The following PCDH7 variants were observed in gnomAD, a reference collection of about 807,000 sequenced individuals.
PCDH7 encodes protocadherin 7, also known as protocadherin-7.
In PCDH7, 17 loss-of-function variants were observed where a neutral mutation model predicts 58.9. That is an observed-to-expected ratio of 0.29 (90% CI 0.20 to 0.43). The LOEUF (loss-of-function observed/expected upper bound fraction) is 0.43. Ranked by LOEUF, PCDH7 falls within the 20% of genes least tolerant of loss-of-function variation. PCDH7 has a pLI of 1.00. For synonymous variants in PCDH7, 664 were observed against 616.4 expected (o/e 1.08, Z -1.14); for missense variants, 1,274 against 1,441.0 (o/e 0.88, Z 1.88).
intron 3 of PCDH7, among the ~76,000 whole-genome samples, chr4:31,069,822 G>A (rs1452423270): frequency 2.1e-5 from 2 of 95,854 alleles, no homozygotes; most frequent in African/African-American, 7.9e-5. Context: ...CTACTTCTTG[G>A]CTATTTTCTA....
chr4:30,863,099 T>G (rs1418231791), intron 1 of PCDH7, among the ~76,000 whole-genome samples: 2 of 152,152 alleles, frequency 1.3e-5, no homozygotes, highest in Non-Finnish European at 2.9e-5. Flanking sequence ...TCCAAATTCG[T>G]ATGTGTTCCG....
At chr4:31,030,032 C>A (rs554011276) in intron 3 of PCDH7, among the ~76,000 whole-genome samples, 13 of 152,218 alleles carry the variant, frequency 8.5e-5, no homozygotes, top group African/African-American at 3.1e-4. Flanking sequence ...ACTCAAAAGA[C>A]CCAATGCAGG....
chr4:31,029,908 A>G (rs577996211), intron 3 of PCDH7, among the ~76,000 whole-genome samples: 1 of 152,278 alleles, frequency 6.6e-6, no homozygotes, highest in African/African-American at 2.4e-5. Context: ...AAAGACAGAG[A>G]AAGAAAGACT....
intron 1 of PCDH7, among the ~76,000 whole-genome samples, chr4:30,773,861 A>C (rs932852612): frequency 3.2e-4 from 49 of 152,220 alleles, no homozygotes; most frequent in African/African-American, 1.1e-3. Context: ...ATTATGTCAC[A>C]CAGCTTCCCC....
intron 3 of PCDH7, among the ~76,000 whole-genome samples, chr4:31,064,839 A>G (rs903781693): frequency 6.6e-6 from 1 of 151,946 alleles, no homozygotes; most frequent in African/African-American, 2.4e-5. Context: ...TTTTGGGGAC[A>G]CAAGTCAATT....
downstream of PCDH7, chr4:31,143,118 A>G (rs1578912516): frequency 5.9e-6 from 1 of 169,672 alleles, no homozygotes; most frequent in Non-Finnish European, 1.2e-5. Context: ...TCTCCAAAAA[A>G]AAAAAAACAA....
At chr4:30,826,765 A>C (rs1408097478) in intron 1 of PCDH7, among the ~76,000 whole-genome samples, 1 of 151,900 alleles carries the variant, frequency 6.6e-6, no homozygotes, top group Non-Finnish European at 1.5e-5. Flanking sequence ...TCGTTTTGTC[A>C]CCCAGGCTGG....
intron 1 of PCDH7, among the ~76,000 whole-genome samples, chr4:30,756,974 C>T (rs1291131972): frequency 6.6e-6 from 1 of 152,212 alleles, no homozygotes; most frequent in East Asian, 1.9e-4. Context: ...GGAAGCTCTG[C>T]TCCCAGAGCT....
chr4:31,035,732 A>G (rs1755358873), intron 3 of PCDH7, among the ~76,000 whole-genome samples: 1 of 152,252 alleles, frequency 6.6e-6, no homozygotes, highest in South Asian at 2.1e-4. Context: ...AGTATCTGAC[A>G]TCAGATAATC....
At chr4:31,111,469 C>T (rs1716309958) in intron 3 of PCDH7, among the ~76,000 whole-genome samples, 1 of 152,026 alleles carries the variant, frequency 6.6e-6, no homozygotes, top group Non-Finnish European at 1.5e-5. Flanking sequence ...CAACCACACC[C>T]AGATGATTTT....
At position 30,846,461 on chromosome 4, in the gene PCDH7, A is replaced by G. The variant is rs532164836; in HGVS notation, c.71-73692A>G. Reference sequence around the variant, plus strand: ...CCAGATGCTGGCAACTTGATGTTATACTTTCCAGACTCCAGAACTGTGAGT... The same window carrying G: ...CCAGATGCTGGCAACTTGATGTTATGCTTTCCAGACTCCAGAACTGTGAGT... On this transcript the variant is annotated intron_variant, in intron 1 of 3. Transcript: ENST00000509759. Among the ~76,000 whole-genome samples, 15 of 150,706 alleles carry G rather than the reference A, an allele frequency of 1.0e-4. No individual in the cohort carries two copies. In the South Asian group the frequency reaches 2.9e-3, roughly 30 times the overall value.
At chr4:31,057,748 C>T (rs1318311423) in intron 3 of PCDH7, among the ~76,000 whole-genome samples, 1 of 152,056 alleles carries the variant, frequency 6.6e-6, no homozygotes, top group Non-Finnish European at 1.5e-5. Flanking sequence ...CCAGCTATTT[C>T]CTCATCTAAC....
At chr4:30,767,067 A>T (rs568589913) in intron 1 of PCDH7, among the ~76,000 whole-genome samples, 3 of 152,248 alleles carry the variant, frequency 2.0e-5, no homozygotes, top group East Asian at 1.9e-4. Flanking sequence ...TGTCACATCA[A>T]GTTCTTAAAT....
At chr4:31,089,858 T>C (rs1288679293) in intron 3 of PCDH7, among the ~76,000 whole-genome samples, 1 of 152,148 alleles carries the variant, frequency 6.6e-6, no homozygotes, top group Non-Finnish European at 1.5e-5. Flanking sequence ...GCTCTGTTAA[T>C]GAGCTCAGCA....
chr4:31,115,412 A>T (rs1716872950), intron 3 of PCDH7, among the ~76,000 whole-genome samples: 1 of 152,108 alleles, frequency 6.6e-6, no homozygotes, highest in Non-Finnish European at 1.5e-5. Context: ...TAAATAATTG[A>T]CATGATGTGT....
intron 1 of PCDH7, among the ~76,000 whole-genome samples, chr4:30,779,060 G>A (rs754603415): frequency 1.7e-5 from 2 of 119,996 alleles, no homozygotes; most frequent in Middle Eastern, 8.6e-3. Context: ...ACTCTGTGTC[G>A]TTCAGGCTGG....
At chr4:30,891,307 G>A (rs1738574147) in intron 1 of PCDH7, among the ~76,000 whole-genome samples, 1 of 152,058 alleles carries the variant, frequency 6.6e-6, no homozygotes, top group East Asian at 1.9e-4. Flanking sequence ...GAGAGTAAGA[G>A]CTTCATTAAA....
chr4:30,723,090 G>A lies in PCDH7; in HGVS notation c.1668G>A (p.Thr556=), dbSNP rs1713967431. ...ACATCCCGGGCGAGAGGGTGGCCACGGTGCTGGCGACAGACGCAGACAGCG... is the reference window on the plus strand; with the variant it reads ...ACATCCCGGGCGAGAGGGTGGCCACAGTGCTGGCGACAGACGCAGACAGCG... The change falls in exon 1 of 2, where the codon ACG becomes ACA. Residue 556 remains threonine, a synonymous_variant. Coordinates refer to ENST00000361762, the Ensembl canonical transcript of PCDH7. The surrounding 1 kb of genome is among the most constrained non-coding windows in gnomAD (Gnocchi z 4.6). 6.2e-6 allele frequency: 10 copies of A among 1,613,798 alleles called. No homozygotes were observed. The highest frequency in any genetic ancestry group is 2.2e-5 in the East Asian group (1 of 44,882).
chr4:31,042,470 GTGTGTCTATATGGGTA>G, intron 3 of PCDH7, among the ~76,000 whole-genome samples: 1 of 152,236 alleles, frequency 6.6e-6, no homozygotes, highest in East Asian at 1.9e-4. Context: ...TATCATGCGT[GTGTGTCTATATGGGTA>G]TGTGTGTGTG....
Sources: gnomAD v4.1 joint callset for allele counts (sites outside exome capture counted in the v4.1 genomes callset) on GRCh38, gnomAD v4.1.1 for gene constraint, Gnocchi (gnomAD v3.1) non-coding constraint, MANE v1.5 for transcripts, NCBI Gene and HGNC (gene_info 2026-07-23, HGNC 2026-07-21) for gene names.